The following USH2A variants were observed in gnomAD, a reference collection of about 807,000 sequenced individuals.
USH2A encodes usherin.
In USH2A, 443 loss-of-function variants were observed where a neutral mutation model predicts 538.9. That is an observed-to-expected ratio of 0.82 (90% CI 0.76 to 0.89). The LOEUF (loss-of-function observed/expected upper bound fraction) is 0.89. Among genes scored for constraint, USH2A ranks in the 40% least tolerant of loss-of-function variants. USH2A has a pLI of 0.00. For synonymous variants in USH2A, 2,413 were observed against 2,273.5 expected, an observed-to-expected ratio of 1.06 and a Z score of -1.75; for missense variants, 6,633 against 6,324.8, an observed-to-expected ratio of 1.05 and a Z score of -1.65.
chr1:216,003,494 T>G (rs1271716885), intron 32 of USH2A, among the ~76,000 whole-genome samples: 1 of 151,916 alleles, frequency 6.6e-6, no homozygotes, highest in Non-Finnish European at 1.5e-5. Flanking sequence ...AAGGTGGCAT[T>G]TTGAGCAAAG....
At chr1:216,377,695 G>A (rs190055472) in intron 3 of USH2A, among the ~76,000 whole-genome samples, 2 of 145,362 alleles carry the variant, frequency 1.4e-5, no homozygotes. Context: ...GGGGAGGGGA[G>A]AGCAGGGGAG....
At position 216,247,176 on chromosome 1, in the gene USH2A, T is replaced by TA; in HGVS notation, c.2217dup (p.Asn740Ter). The TA allele has an allele frequency of 6.2e-7, 1 of 1,614,064 alleles. No homozygotes were observed. Among genetic ancestry groups the TA allele is most frequent in the South Asian group, 1.1e-5 (1 of 91,084 alleles). On this transcript the variant is annotated frameshift_variant, in exon 13 of 72. Coordinates refer to ENST00000307340, the MANE Select transcript of USH2A (RefSeq NM_206933.4). LOFTEE classifies it high-confidence loss of function. ...TGGCAGGGCTCACATCCAACATCAT[T>TA]AAAGCTTCGGAGAAATTTAAATCCA...
chr1:216,208,355 T>C (rs1317283672), intron 15 of USH2A, among the ~76,000 whole-genome samples: 1 of 152,106 alleles, frequency 6.6e-6, no homozygotes, highest in African/African-American at 2.4e-5. Flanking sequence ...ATGTCAAGGG[T>C]ACAGGTTGCT....
chr1:216,285,379 G>A (rs2036861765), intron 11 of USH2A, among the ~76,000 whole-genome samples: 1 of 152,262 alleles, frequency 6.6e-6, no homozygotes, highest in Non-Finnish European at 1.5e-5. Flanking sequence ...ATGGTGTTGG[G>A]CCTGCAGGTG....
chr1:215,843,046 G>A (rs2102820778), intron 46 of USH2A, among the ~76,000 whole-genome samples: 1 of 152,072 alleles, frequency 6.6e-6, no homozygotes, highest in Non-Finnish European at 1.5e-5. Flanking sequence ...ATTTTTATTT[G>A]GTTTTCTTAG....
chr1:216,097,173 C>A lies in USH2A; in HGVS notation c.4668G>T (p.Leu1556Phe). The A allele has an allele frequency of 6.2e-7, 1 of 1,614,136 alleles. No individual in the cohort carries two copies. Among genetic ancestry groups the A allele is most frequent in the Admixed American group, 1.7e-5 (1 of 60,022 alleles). The change falls in exon 22 of 72, where the codon TTG (leucine) becomes TTT (phenylalanine). Residue 1556 changes from leucine to phenylalanine, a missense_variant. By Grantham distance (22) the Leu-to-Phe change is conservative. Transcript: ENST00000307340. ...TGCCAGGTGATGCTGCAAAGACAAT[C>A]AAACCTTCAGGCACTTTTGTTCGAA... is the stretch of plus-strand genomic sequence containing the variant. ...ASFRTKVPEG[L>F]IVFAASPGNQ...
At chr1:216,294,363 T>C (rs1007754719) in intron 9 of USH2A, among the ~76,000 whole-genome samples, 1 of 150,604 alleles carries the variant, frequency 6.6e-6, no homozygotes, top group Non-Finnish European at 1.5e-5. Context: ...CATATATTTC[T>C]TCTTTTCAAA....
At chr1:215,688,755 T>A (rs1310433635) in intron 61 of USH2A, among the ~76,000 whole-genome samples, 2 of 152,052 alleles carry the variant, frequency 1.3e-5, no homozygotes, top group Non-Finnish European at 2.9e-5. Flanking sequence ...GTCCCATCTT[T>A]ATGACCTTAC....
intron 27 of USH2A, 35 bp downstream of exon 27, chr1:216,078,054 G>T (rs2031811660): frequency 6.2e-7 from 1 of 1,612,970 alleles, no homozygotes. Flanking sequence ...CACCAGGGCT[G>T]TATGGATTTG....
At chr1:215,784,867 C>A (rs1289819346) in intron 52 of USH2A, among the ~76,000 whole-genome samples, 2 of 152,078 alleles carry the variant, frequency 1.3e-5, no homozygotes, top group Non-Finnish European at 2.9e-5. Flanking sequence ...CTGGAGAGGG[C>A]TATTACAAGT....
At chr1:216,406,910 A>C (rs2039406124) in intron 3 of USH2A, among the ~76,000 whole-genome samples, 1 of 152,144 alleles carries the variant, frequency 6.6e-6, no homozygotes, top group Non-Finnish European at 1.5e-5. Context: ...ACCTAAAATT[A>C]CCTACTATAC....
At chr1:216,307,532 T>G (rs2037341383) in intron 9 of USH2A, among the ~76,000 whole-genome samples, 1 of 152,168 alleles carries the variant, frequency 6.6e-6, no homozygotes. Flanking sequence ...GTTTCACACC[T>G]CCCTGCCTGA....
chr1:216,350,612 A>T (rs1286913024), intron 4 of USH2A, among the ~76,000 whole-genome samples: 8 of 152,010 alleles, frequency 5.3e-5, no homozygotes, highest in Non-Finnish European at 1.2e-4. Flanking sequence ...ATCTCCTTTG[A>T]CTCCACGTCT....
At chr1:216,341,916 C>CTTT (rs1385344898) in intron 4 of USH2A, among the ~76,000 whole-genome samples, 1 of 152,078 alleles carries the variant, frequency 6.6e-6, no homozygotes. Context: ...TAGGCGATAC[C>CTTT]ATTCAGGACA....
intron 37 of USH2A, among the ~76,000 whole-genome samples, chr1:215,948,435 T>TACAC (rs71658026): frequency 6.8e-6 from 1 of 146,008 alleles, no homozygotes; most frequent in African/African-American, 2.6e-5. Context: ...GATATATATA[T>TACAC]ATATATATAC....
At chr1:215,983,501 C>A (rs1376392239) in intron 35 of USH2A, among the ~76,000 whole-genome samples, 1 of 152,064 alleles carries the variant, frequency 6.6e-6, no homozygotes, top group African/African-American at 2.4e-5. Context: ...TTTAAGATGT[C>A]TATTGTATTG....
chr1:216,227,463 A>T (rs562405508), intron 14 of USH2A, among the ~76,000 whole-genome samples: 1 of 152,294 alleles, frequency 6.6e-6, no homozygotes, highest in Admixed American at 6.5e-5. Context: ...GCATTTTTGT[A>T]GGCAGTTATG....
chr1:215,929,985 G>A (rs1055275965), intron 38 of USH2A, among the ~76,000 whole-genome samples: 5 of 151,854 alleles, frequency 3.3e-5, no homozygotes, highest in South Asian at 2.1e-4. Context: ...CAAACTACTC[G>A]CAACCATTTT....
At chr1:215,640,805 A>G (rs1571923913) in intron 67 of USH2A, 71 bp from the exon 68 acceptor site, 2 of 1,520,684 alleles carry the variant, frequency 1.3e-6, no homozygotes, top group Non-Finnish European at 1.8e-6. Context: ...CACTTTAAAA[A>G]AAAAAAATAT....
Sources: allele counts gnomAD v4.1 joint callset (sites outside exome capture counted in the v4.1 genomes callset), GRCh38; gene constraint gnomAD v4.1.1; transcripts MANE v1.5; gene names NCBI Gene and HGNC (gene_info 2026-07-23, HGNC 2026-07-21).